Variants in PARD3B observed in about 807,000 individuals in gnomAD.
PARD3B encodes partitioning defective 3 homolog B.
In PARD3B, 103 loss-of-function variants were observed where a neutral mutation model predicts 130.2. The observed-to-expected ratio is 0.79, with a 90% confidence interval of 0.67 to 0.93. The LOEUF (loss-of-function observed/expected upper bound fraction) is 0.93. Ranked by LOEUF, PARD3B falls within the 40% of genes least tolerant of loss-of-function variation. The pLI is 0.00. For synonymous variants in PARD3B, 583 were observed against 553.2 expected (o/e 1.05, Z -0.76); for missense variants, 1,609 against 1,499.2 (o/e 1.07, Z -1.21).
At chr2:204,619,391 T>C (rs1025281184) in intron 1 of PARD3B, among the ~76,000 whole-genome samples, 6 of 152,214 alleles carry the variant, frequency 3.9e-5, no homozygotes. Context: ...ATTTCTTCTT[T>C]TGCAAAAGTA....
At chr2:205,056,540 G>C (rs1699644428) in intron 4 of PARD3B, among the ~76,000 whole-genome samples, 1 of 151,544 alleles carries the variant, frequency 6.6e-6, no homozygotes, top group South Asian at 2.1e-4. Flanking sequence ...TGAAGTAACT[G>C]GTGTGAAGCA....
chr2:205,568,171 G>C lies in PARD3B; in HGVS notation c.3260+14768G>C, dbSNP rs1265595192. Among the ~76,000 whole-genome samples the C allele has an allele frequency of 6.6e-6, 1 of 152,216 alleles. No homozygotes were observed. Among genetic ancestry groups the C allele is most frequent in the Admixed American group, 6.5e-5 (1 of 15,286 alleles). ...GGGGCAGTCTGCTGCCACAACTAAGGAAGTGTGAAGGCTCAGGGTTCAAAG... is the reference window on the plus strand; with the variant it reads ...GGGGCAGTCTGCTGCCACAACTAAGCAAGTGTGAAGGCTCAGGGTTCAAAG... On this transcript the variant is annotated intron_variant, in intron 22 of 22. Coordinates refer to ENST00000406610, the MANE Select transcript of PARD3B (RefSeq NM_001302769.2). The surrounding 1 kb of genome is among the most constrained non-coding windows in gnomAD (Gnocchi z 5.3).
Position 205,446,706 on chromosome 2 carries a change from G to A in PARD3B, c.3044+6034G>A, listed in dbSNP as rs189906686. On this transcript the variant is annotated intron_variant, in intron 20 of 22. Coordinates refer to ENST00000406610, the MANE Select transcript of PARD3B (RefSeq NM_001302769.2). The surrounding 1 kb of genome is among the most constrained non-coding windows in gnomAD (Gnocchi z 4.4). ...GTTAAAAAAAAATTTCTACCACCAG[G>A]ACAGAGACACGTGACTGGATTTTCA... 4.5e-4 allele frequency among the ~76,000 whole-genome samples: 69 copies of A among 152,198 alleles called. No individual in the cohort carries two copies. Among genetic ancestry groups the A allele is most frequent in the African/African-American group, 1.7e-3 (69 of 41,534 alleles).
intron 19 of PARD3B, among the ~76,000 whole-genome samples, chr2:205,438,871 G>A (rs532147350): frequency 6.6e-6 from 1 of 152,244 alleles, no homozygotes; most frequent in South Asian, 2.1e-4. Context: ...CCTGGCATTT[G>A]TTTTCATCTG....
intron 19 of PARD3B, among the ~76,000 whole-genome samples, chr2:205,417,321 G>T (rs1041090125): frequency 6.6e-6 from 1 of 152,034 alleles, no homozygotes; most frequent in African/African-American, 2.4e-5. Flanking sequence ...TCTTAATCCA[G>T]TATATCATTG....
intron 16 of PARD3B, among the ~76,000 whole-genome samples, chr2:205,294,294 C>A (rs1482785674): frequency 6.6e-6 from 1 of 151,894 alleles, no homozygotes; most frequent in Non-Finnish European, 1.5e-5. Context: ...ATAGTTTAAC[C>A]ACTAAGTTGA....
chr2:205,227,180 A>C lies in PARD3B; in HGVS notation c.2141-18598A>C, dbSNP rs560559051. On this transcript the variant is annotated intron_variant, in intron 15 of 22. Transcript: ENST00000406610. The stretch of plus-strand genomic sequence containing the variant: ...AGCCATTGTGGGAAATGTTCTATGA[A>C]CATCTATTTAGTCCATTTGGTCTAT... Among the ~76,000 whole-genome samples, 3 of 152,224 alleles carry C rather than the reference A, an allele frequency of 2.0e-5. 1 individual carries two copies. The highest frequency in any genetic ancestry group is 7.2e-5 in the African/African-American group (3 of 41,546).
chr2:205,178,815 A>G (rs6723753), intron 13 of PARD3B, among the ~76,000 whole-genome samples: 49,226 of 152,132 alleles, frequency 0.32, 8,927 homozygotes, highest in Non-Finnish European at 0.4. Context: ...CACATATATC[A>G]TGGTGGTCCC....
chr2:204,848,356 T>C (rs1217092490), intron 2 of PARD3B, among the ~76,000 whole-genome samples: 2 of 152,186 alleles, frequency 1.3e-5, no homozygotes, highest in Non-Finnish European at 2.9e-5. Context: ...AGGGTTTTAA[T>C]TTGACAATTA....
At chr2:205,344,194 T>TTGTGTGTGTGTGTGTG (rs1553681141) in intron 18 of PARD3B, among the ~76,000 whole-genome samples, 19 of 140,958 alleles carry the variant, frequency 1.3e-4, no homozygotes, top group African/African-American at 4.2e-4. Context: ...GTCAGTTGGT[T>TTGTGTGTGTGTGTGTG]TGTGTGTGTG....
chr2:205,198,875 T>C (rs2036837015), intron 15 of PARD3B, among the ~76,000 whole-genome samples: 1 of 151,920 alleles, frequency 6.6e-6, no homozygotes, highest in South Asian at 2.1e-4. Context: ...ACTATTTTTA[T>C]TTATATCCAT....
rs1163844979 is a variant in PARD3B at position 205,441,312 on chromosome 2, C to T, written c.3044+640C>T. The stretch of plus-strand genomic sequence containing the variant: ...GGAGAGAGATAATAGGACTATCTGT[C>T]AGTACAATTGAAGTAGGTAGAAAAC... On this transcript the variant is annotated intron_variant, in intron 20 of 22. Coordinates refer to ENST00000406610, the MANE Select transcript of PARD3B (RefSeq NM_001302769.2). Among the ~76,000 whole-genome samples, 5 of 152,182 alleles carry T rather than the reference C, an allele frequency of 3.3e-5. No individual in the cohort carries two copies. In the South Asian group the frequency reaches 8.3e-4, roughly 25 times the overall value.
intron 15 of PARD3B, among the ~76,000 whole-genome samples, chr2:205,225,466 T>G (rs1034204385): frequency 6.6e-6 from 1 of 152,232 alleles, no homozygotes; most frequent in Admixed American, 6.5e-5. Context: ...ATTTTTTTCC[T>G]CTGGAGTTGT....
intron 2 of PARD3B, among the ~76,000 whole-genome samples, chr2:204,715,065 G>A (rs191214413): frequency 1.3e-5 from 2 of 152,286 alleles, no homozygotes; most frequent in Admixed American, 6.5e-5. Flanking sequence ...AGTGAATATA[G>A]AGTATACTTT....
At chr2:204,562,869 C>T (rs115846936) in intron 1 of PARD3B, among the ~76,000 whole-genome samples, 2,415 of 151,896 alleles carry the variant, frequency 0.016, 33 homozygotes, top group Middle Eastern at 0.075. Context: ...TTTGCATTTC[C>T]GATTTTTCTC....
At chr2:205,469,218 C>T (rs967832142) in intron 20 of PARD3B, among the ~76,000 whole-genome samples, 4 of 152,180 alleles carry the variant, frequency 2.6e-5, no homozygotes, top group Non-Finnish European at 4.4e-5. Flanking sequence ...TGAATGAATC[C>T]AAGGGACTCT....
At chr2:204,828,506 C>T (rs1024301804) in intron 2 of PARD3B, among the ~76,000 whole-genome samples, 8 of 152,078 alleles carry the variant, frequency 5.3e-5, no homozygotes, top group Non-Finnish European at 8.8e-5. Flanking sequence ...TACCATAGTC[C>T]GGGGAATTGT....
chr2:205,177,759 C>T (rs1443988744), intron 13 of PARD3B, among the ~76,000 whole-genome samples: 2 of 152,142 alleles, frequency 1.3e-5, no homozygotes, highest in Non-Finnish European at 2.9e-5. Context: ...TAAGTGTTTA[C>T]TGTCTGTTAG....
At chr2:205,194,682 C>A (rs1383450543) in intron 15 of PARD3B, among the ~76,000 whole-genome samples, 5 of 151,824 alleles carry the variant, frequency 3.3e-5, no homozygotes. Context: ...AAAACAGCAC[C>A]CATTTTAAAT....
Sources: gnomAD v4.1 joint callset for allele counts (sites outside exome capture counted in the v4.1 genomes callset) on GRCh38, gnomAD v4.1.1 for gene constraint, Gnocchi (gnomAD v3.1) non-coding constraint, MANE v1.5 for transcripts, NCBI Gene and HGNC (gene_info 2026-07-23, HGNC 2026-07-21) for gene names.